The following COL6A6 variants were observed in gnomAD, a reference collection of about 807,000 sequenced individuals.
The protein encoded by COL6A6 is collagen alpha-6(VI) chain.
COL6A6 carries 183 observed loss-of-function variants against 208.6 expected under a neutral mutation model. That is an observed-to-expected ratio of 0.88 (90% confidence interval 0.78 to 0.99). COL6A6 has a LOEUF of 0.99. Ranked by LOEUF, COL6A6 falls within the 50% of genes least tolerant of loss-of-function variation. The pLI is 0.00. For missense variants in COL6A6, 2,816 were observed against 2,815.2 expected (o/e 1.00, Z -0.01); for synonymous variants, 973 against 1,011.8 (o/e 0.96, Z 0.73).
chr3:130,541,195 C>G (rs776728701), intron 1 of COL6A6, among the ~76,000 whole-genome samples: 85 of 152,258 alleles, frequency 5.6e-4, no homozygotes, highest in South Asian at 1.5e-3. Context: ...ATGCAGCCAA[C>G]AAACATATTT....
Position 130,574,410 on chromosome 3 carries a change from G to T in COL6A6, c.3432G>T (p.Gln1144His). The part of the protein sequence containing the change: ...SVGIGDVDDQ[Q>H]LIQITGTAEK... ...GCATTGGGGATGTGGATGACCAGCA[G>T]CTCATTCAGATCACCGGGACTGCAG... Residue 1144 changes from glutamine to histidine, a missense_variant, in exon 8 of 37, where the codon CAG becomes CAT. By Grantham distance (24) the Gln-to-His change is conservative. Transcript: ENST00000358511. 1 of 1,614,046 alleles carries T rather than the reference G, an allele frequency of 6.2e-7. No homozygotes were observed. Among genetic ancestry groups the T allele is most frequent in the Admixed American group, 1.7e-5 (1 of 60,036 alleles).
Position 130,676,709 on chromosome 3 carries a change from A to G in COL6A6, c.*1312A>G, listed in dbSNP as rs1022128661. On this transcript the variant is annotated 3_prime_UTR_variant, in exon 37 of 37. Coordinates refer to ENST00000358511, the MANE Select transcript of COL6A6 (RefSeq NM_001102608.3). ...GTATTTTTTTAAAACGACTTCTGCT[A>G]TTCTTACTTAGAGAAATCCAGTGAT... The G allele has an allele frequency of 2.6e-5, 4 of 152,242 alleles. No homozygotes were observed. The highest frequency in any genetic ancestry group is 5.9e-5 in the Non-Finnish European group (4 of 68,044). The allele number at this position is 152,242 out of a possible 1,614,324, so 9.4% of individuals were successfully genotyped here.
intron 10 of COL6A6, 47 bp from the exon 11 acceptor site, chr3:130,586,459 G>C: frequency 6.5e-7 from 1 of 1,544,312 alleles, no homozygotes; most frequent in Non-Finnish European, 8.7e-7. Flanking sequence ...AAAAACTAAA[G>C]TAACCAAACC....
At position 130,565,422 on chromosome 3, in the gene COL6A6, AC is replaced by A. The variant is rs747391829; in HGVS notation, c.1093del (p.Leu365TrpfsTer3). ...NLRREGVTIF[T>X]LGIEGASDTQ... ...CCGACGGGAGGGTGTGACCATCTTC[AC>A]CCTGGGCATAGAGGGCGCCAGCGAC... On this transcript the variant is annotated frameshift_variant, in exon 4 of 37. Coordinates refer to ENST00000358511, the MANE Select transcript of COL6A6 (RefSeq NM_001102608.3). LOFTEE classifies it high-confidence loss of function. 6 of 1,613,716 alleles carry A rather than the reference AC, an allele frequency of 3.7e-6. No homozygotes were observed. In the African/African-American group the frequency reaches 5.3e-5, roughly 14 times the overall value.
rs748449745 is a variant in COL6A6 at position 130,568,104 on chromosome 3, G to A, written c.1901G>A (p.Gly634Glu). The change falls in exon 6 of 37, where the codon GGA becomes GAA. Residue 634 changes from glycine (G) to glutamate (E), a missense_variant. Physicochemically the swap from Gly to Glu is moderately conservative, Grantham distance 98. Transcript: ENST00000358511. The stretch of plus-strand genomic sequence containing the variant: ...CTGGTGGACAGTTCTGGAAGTATAG[G>A]ACCTGAAAACTTCAGCAAAATGAAA... ...MFLVDSSGSI[G>E]PENFSKMKTF... 5.6e-6 allele frequency: 9 copies of A among 1,613,848 alleles called. No individual in the cohort carries two copies. Among genetic ancestry groups the A allele is most frequent in the South Asian group, 5.5e-5 (5 of 91,080 alleles).
rs1369762460 is a variant in COL6A6, at chr3:130,568,280, G to C, written c.2077G>C (p.Ala693Pro). 6.2e-7 allele frequency: 1 copy of C among 1,613,834 alleles called. No individual in the cohort carries two copies. The highest frequency in any genetic ancestry group is 8.5e-7 in the Non-Finnish European group (1 of 1,179,890). The change falls in exon 6 of 37, where the codon GCT (alanine) becomes CCT (proline). Residue 693 changes from alanine (A) to proline (P), a missense_variant. Physicochemically the swap from Ala to Pro is conservative, Grantham distance 27 (BLOSUM62 -1). Coordinates refer to ENST00000358511, the MANE Select transcript of COL6A6 (RefSeq NM_001102608.3). ...SDISNAIDQM[A>P]HIGQTTLTGS... ...CATTTCAAATGCAATAGACCAAATG[G>C]CTCACATTGGACAAACCACCCTGAC...
chr3:130,531,050 A>AGTCTCT (rs2062076672), intron 1 of COL6A6, among the ~76,000 whole-genome samples: 1 of 86,676 alleles, frequency 1.2e-5, no homozygotes, highest in African/African-American at 4.6e-5. Context: ...ACACACACAC[A>AGTCTCT]CACACACACA....
At chr3:130,524,156 G>A (rs2107674462) in intron 1 of COL6A6, among the ~76,000 whole-genome samples, 1 of 152,324 alleles carries the variant, frequency 6.6e-6, no homozygotes, top group Admixed American at 6.5e-5. Flanking sequence ...CACTAAACAA[G>A]TTCCTCAGCT....
At chr3:130,598,988 C>G (rs1349928508) in intron 19 of COL6A6, among the ~76,000 whole-genome samples, 1 of 152,022 alleles carries the variant, frequency 6.6e-6, no homozygotes, top group Admixed American at 6.5e-5. Context: ...GATGACTGTA[C>G]CTAGGAAAGA....
chr3:130,622,192 T>A (rs887335951), intron 24 of COL6A6, among the ~76,000 whole-genome samples: 1 of 127,628 alleles, frequency 7.8e-6, no homozygotes, highest in Non-Finnish European at 1.6e-5. Context: ...CTTAATTTCC[T>A]CCCCCCGCCT....
intron 1 of COL6A6, among the ~76,000 whole-genome samples, chr3:130,558,963 A>G (rs2062823867): frequency 6.6e-6 from 1 of 152,142 alleles, no homozygotes; most frequent in Non-Finnish European, 1.5e-5. Context: ...CACTTTACCA[A>G]TGTGACCTTG....
chr3:130,565,687 G>A lies in COL6A6; in HGVS notation c.1282+73G>A, dbSNP rs796966112. 9 of 1,469,740 alleles carry A rather than the reference G, an allele frequency of 6.1e-6. No individual in the cohort carries two copies. The African/African-American group carries it at 9.9e-5, about 16-fold the overall frequency. 91.0% of individuals were successfully genotyped at this position (1,469,740 alleles called of 1,614,324 possible). A position where few individuals can be genotyped will look rare whatever the true frequency, so the allele number is the denominator to read the frequency against. The stretch of plus-strand genomic sequence containing the variant: ...CTCTTTCAAATATTCTGTATACAAA[G>A]TGGATTGGCTTGGGAAGATGTGGAT... On this transcript the variant is annotated intron_variant, in intron 4 of 36. Transcript: ENST00000358511.
intron 24 of COL6A6, among the ~76,000 whole-genome samples, chr3:130,623,829 G>A (rs1205649856): frequency 6.6e-6 from 1 of 151,906 alleles, no homozygotes; most frequent in Non-Finnish European, 1.5e-5. Flanking sequence ...AAGTCCAAGA[G>A]GAAACAAGAC....
rs185935634 is a variant in COL6A6 at position 130,675,408 on chromosome 3, G to C, written c.*11G>C. 7.4e-5 allele frequency: 115 copies of C among 1,554,844 alleles called. 1 individual carries two copies. The highest frequency in any genetic ancestry group is 4.9e-5 in the South Asian group (4 of 81,574). ...AAACAACATGATTAAAAAAATGCTT[G>C]AACAACTTAGCCTTAGGAAGCATGG... is the stretch of plus-strand genomic sequence containing the variant. On this transcript the variant is annotated 3_prime_UTR_variant, in exon 37 of 37. Coordinates refer to ENST00000358511, the MANE Select transcript of COL6A6 (RefSeq NM_001102608.3).
intron 1 of COL6A6, among the ~76,000 whole-genome samples, chr3:130,527,594 G>A (rs2061987216): frequency 6.6e-6 from 1 of 152,228 alleles, no homozygotes; most frequent in Non-Finnish European, 1.5e-5. Context: ...ACTTTCCCAA[G>A]CAATGATCAC....
intron 35 of COL6A6, among the ~76,000 whole-genome samples, chr3:130,664,730 T>C (rs1484030557): frequency 6.6e-6 from 1 of 152,232 alleles, no homozygotes; most frequent in African/African-American, 2.4e-5. Context: ...TGGCTCATTG[T>C]TATCTCCTCT....
chr3:130,519,869 A>G (rs1710963828), intron 1 of COL6A6, among the ~76,000 whole-genome samples: 1 of 152,204 alleles, frequency 6.6e-6, no homozygotes, highest in South Asian at 2.1e-4. Flanking sequence ...ATTGAGCCCA[A>G]TTTTATCCTG....
At chr3:130,572,231 A>G (rs1419916343) in intron 7 of COL6A6, among the ~76,000 whole-genome samples, 1 of 152,226 alleles carries the variant, frequency 6.6e-6, no homozygotes, top group Non-Finnish European at 1.5e-5. Flanking sequence ...AGAAGTTTCC[A>G]GGACAGAGCA....
chr3:130,586,512 A>G lies in COL6A6; in HGVS notation c.3977A>G (p.Asn1326Ser). 6.2e-7 allele frequency: 1 copy of G among 1,612,416 alleles called. No homozygotes were observed. Among genetic ancestry groups the G allele is most frequent in the Non-Finnish European group, 8.5e-7 (1 of 1,179,340 alleles). Reference sequence around the variant, plus strand: ...TGTAAACTGTGTTGGATAGGCCTGAATGCCCTCATAACTGTTGCTCTGGAT... The same window carrying G: ...TGTAAACTGTGTTGGATAGGCCTGAGTGCCCTCATAACTGTTGCTCTGGAT... ...KSDELRKEGL[N>S]ALITVALDGP... Residue 1326 changes from asparagine (N) to serine (S), a missense_variant, in exon 11 of 37, where the codon AAT becomes AGT. Transcript: ENST00000358511.
Sources: gnomAD v4.1 joint callset for allele counts (sites outside exome capture counted in the v4.1 genomes callset) on GRCh38, gnomAD v4.1.1 for gene constraint, MANE v1.5 for transcripts, NCBI Gene and HGNC (gene_info 2026-07-23, HGNC 2026-07-21) for gene names.